RPH3A: variants seen among roughly 807,000 people sequenced by gnomAD.
RPH3A encodes rabphilin-3A.
In RPH3A, 48 loss-of-function variants were observed where a neutral mutation model predicts 102.2. The ratio of observed to expected loss-of-function variants is 0.47; its 90% confidence interval spans 0.37 to 0.60. RPH3A has a LOEUF of 0.60. Ranked by LOEUF, RPH3A falls within the 20% of genes least tolerant of loss-of-function variation. The probability of loss-of-function intolerance (pLI) is 0.00; values close to 1 mark genes in which losing one functional copy is unlikely to be tolerated. For synonymous variants in RPH3A, 310 were observed against 324.3 expected, an observed-to-expected ratio of 0.96 and a Z score of 0.47; for missense variants, 781 against 910.1, an observed-to-expected ratio of 0.86 and a Z score of 1.83.
At chr12:112,865,616 G>A in intron 6 of RPH3A, 73 bp downstream of exon 6, 1 of 1,502,140 alleles carries the variant, frequency 6.7e-7, no homozygotes, top group South Asian at 1.2e-5. Flanking sequence ...TCCAGCTGTA[G>A]GGGTCACTGG....
chr12:112,631,019 C>T (rs2039800106), intron 1 of RPH3A, among the ~76,000 whole-genome samples: 1 of 151,994 alleles, frequency 6.6e-6, no homozygotes, highest in Non-Finnish European at 1.5e-5. Flanking sequence ...GAAAATATTC[C>T]AGGTAGGGGA....
chr12:112,856,672 C>G (rs1045878338), intron 5 of RPH3A, among the ~76,000 whole-genome samples: 7 of 152,126 alleles, frequency 4.6e-5, no homozygotes, highest in African/African-American at 1.7e-4. Context: ...TTTAGAAAGA[C>G]AGACTTCGCA....
chr12:112,677,351 C>T (rs1320504408), intron 1 of RPH3A, among the ~76,000 whole-genome samples: 9 of 47,006 alleles, frequency 1.9e-4, no homozygotes, highest in Non-Finnish European at 4.1e-4. Flanking sequence ...CCTTCCCTTC[C>T]TCCCTCCCTC....
At chr12:112,881,961 C>A in intron 15 of RPH3A, 115 bp downstream of exon 15, 1 of 704,476 alleles carries the variant, frequency 1.4e-6, no homozygotes, top group East Asian at 2.7e-5. Context: ...CCAACCCCAC[C>A]TCATCCTGTG....
chr12:112,583,322 A>G (rs936069333), intron 1 of RPH3A, among the ~76,000 whole-genome samples: 1 of 152,142 alleles, frequency 6.6e-6, no homozygotes. Flanking sequence ...TATTTTCAAC[A>G]TTTTGCAGAC....
intron 5 of RPH3A, among the ~76,000 whole-genome samples, chr12:112,861,831 G>A (rs1227568600): frequency 6.6e-6 from 1 of 152,104 alleles, no homozygotes; most frequent in East Asian, 1.9e-4. Context: ...GGGTAGCACA[G>A]TGAAACCCCG....
intron 1 of RPH3A, among the ~76,000 whole-genome samples, chr12:112,654,544 C>T (rs1380433736): frequency 6.6e-6 from 1 of 152,092 alleles, no homozygotes; most frequent in African/African-American, 2.4e-5. Context: ...AGAGCTTTGT[C>T]GATTTTTGCA....
rs552752093 is a variant in RPH3A at position 112,649,105 on chromosome 12, G to A, written c.-140+73786G>A. Among the ~76,000 whole-genome samples the A allele has an allele frequency of 2.3e-4, 35 of 152,322 alleles. No individual in the cohort carries two copies. In the South Asian group the frequency reaches 6.2e-3, roughly 27 times the overall value. On this transcript the variant is annotated intron_variant, in intron 1 of 21. Transcript: ENST00000543106. The stretch of plus-strand genomic sequence containing the variant: ...TGAGATTACAGGCATGGGCCAGCAC[G>A]CCAGGCCCCTTTACACAAATTTAAA...
chr12:112,729,238 G>A lies in RPH3A; in HGVS notation c.-139-62905G>A, dbSNP rs182285214. 3.1e-3 allele frequency among the ~76,000 whole-genome samples: 472 copies of A among 151,906 alleles called. 2 individuals are homozygous for A. The highest frequency in any genetic ancestry group is 0.011 in the African/African-American group (444 of 41,414). On this transcript the variant is annotated intron_variant, in intron 1 of 21. Coordinates refer to the RPH3A transcript ENST00000543106. ...ACTGCAGCCTTGACCTCCCAGGTTC[G>A]GTTTCCCTCCTATTTGGTGGCACAC...
chr12:112,836,088 A>G (rs1174991036), intron 3 of RPH3A, among the ~76,000 whole-genome samples: 1 of 152,236 alleles, frequency 6.6e-6, no homozygotes, highest in African/African-American at 2.4e-5. Context: ...CTGGGGAACT[A>G]CAAGGTCTAC....
intron 1 of RPH3A, among the ~76,000 whole-genome samples, chr12:112,609,734 C>T (rs1461849031): frequency 3.3e-5 from 5 of 152,196 alleles, no homozygotes; most frequent in Non-Finnish European, 7.3e-5. Context: ...GACCTGCCCC[C>T]CAAACCAACC....
chr12:112,576,162 A>G (rs2039357855), intron 1 of RPH3A, among the ~76,000 whole-genome samples: 2 of 152,244 alleles, frequency 1.3e-5, no homozygotes, highest in South Asian at 4.1e-4. Flanking sequence ...CACTTACCCA[A>G]GATCACATGA....
chr12:112,658,278 A>G lies in RPH3A; in HGVS notation c.-140+82959A>G, dbSNP rs1181575034. Among the ~76,000 whole-genome samples the G allele has an allele frequency of 3.3e-5, 5 of 152,040 alleles. No individual in the cohort carries two copies. The East Asian group carries it at 7.7e-4, about 23-fold the overall frequency. ...TGCAACCTCCACCTCCCCAGTTCAA[A>G]TGATACTTGTGCCTCAGCCTCCCAA... is the stretch of plus-strand genomic sequence containing the variant. On this transcript the variant is annotated intron_variant, in intron 1 of 21. Transcript: ENST00000543106.
At chr12:112,883,962 A>T (rs1175784349) in intron 16 of RPH3A, among the ~76,000 whole-genome samples, 9 of 152,102 alleles carry the variant, frequency 5.9e-5, no homozygotes, top group Admixed American at 5.9e-4. Context: ...TGCTGCTAGG[A>T]ACATTCTAGT....
chr12:112,837,304 A>C (rs746718223), intron 4 of RPH3A, among the ~76,000 whole-genome samples: 5 of 152,090 alleles, frequency 3.3e-5, no homozygotes, highest in African/African-American at 4.8e-5. Flanking sequence ...GGTGGGATCG[A>C]ATGAGATGTT....
At chr12:112,751,435 T>G (rs576881808) in intron 1 of RPH3A, among the ~76,000 whole-genome samples, 2 of 152,306 alleles carry the variant, frequency 1.3e-5, no homozygotes, top group African/African-American at 4.8e-5. Flanking sequence ...TACCTGTCTA[T>G]AAAATGAAGG....
rs554408534 is a variant in RPH3A at position 112,709,503 on chromosome 12, T to C, written c.-139-82640T>C. Among the ~76,000 whole-genome samples, 196 of 150,336 alleles carry C rather than the reference T, an allele frequency of 1.3e-3. 9 individuals are homozygous for C. The South Asian group carries it at 0.039, about 30-fold the overall frequency. On this transcript the variant is annotated intron_variant, in intron 1 of 21. Transcript: ENST00000543106. Reference sequence around the variant, plus strand: ...AGTTCAAGGTTGAAGTGAGCCATGCTCACGCCACTGCACTCCAGCCTGGGT... The same window carrying C: ...AGTTCAAGGTTGAAGTGAGCCATGCCCACGCCACTGCACTCCAGCCTGGGT...
intron 1 of RPH3A, among the ~76,000 whole-genome samples, chr12:112,597,042 A>G (rs1374652851): frequency 6.6e-6 from 1 of 152,182 alleles, no homozygotes; most frequent in Non-Finnish European, 1.5e-5. Flanking sequence ...ATACCAACAG[A>G]AGGAAGACAC....
rs201802046 is a variant in RPH3A, at chr12:112,620,817, CCTT to C, written c.-140+45502_-140+45504del. On this transcript the variant is annotated intron_variant, in intron 1 of 21. Transcript: ENST00000543106. ...ACCTGGAGTCATCCTTGATTCCTCT[CCTT>C]CTTTCCTACTCCACATCCAATTCAT... Among the ~76,000 whole-genome samples, 834 of 152,264 alleles carry C rather than the reference CCTT, an allele frequency of 5.5e-3. 7 individuals carry two copies. Among genetic ancestry groups the C allele is most frequent in the African/African-American group, 0.019 (790 of 41,536 alleles).
Sources: gnomAD v4.1 joint callset for allele counts (sites outside exome capture counted in the v4.1 genomes callset) on GRCh38, gnomAD v4.1.1 for gene constraint, MANE v1.5 for transcripts, NCBI Gene and HGNC (gene_info 2026-07-23, HGNC 2026-07-21) for gene names.